Variants in CHL1 observed in about 807,000 individuals in gnomAD.
The protein encoded by CHL1 is cell adhesion molecule L1 like, also known as neural cell adhesion molecule L1-like protein.
Under a neutral mutation model 141.9 loss-of-function variants are expected in CHL1, and 96 were observed. The ratio of observed to expected loss-of-function variants is 0.68; its 90% CI spans 0.57 to 0.80. The LOEUF is 0.80. Ranked by LOEUF, CHL1 falls within the 30% of genes least tolerant of loss-of-function variation. The probability of loss-of-function intolerance (pLI) is 0.00; values close to 1 mark genes in which losing one functional copy is unlikely to be tolerated. For missense variants in CHL1, 1,820 were observed against 1,457.2 expected (o/e 1.25, Z -4.05); for synonymous variants, 613 against 502.2 (o/e 1.22, Z -2.95).
intron 24 of CHL1, among the ~76,000 whole-genome samples, chr3:397,580 C>G (rs1708782368): frequency 6.6e-6 from 1 of 151,938 alleles, no homozygotes; most frequent in Non-Finnish European, 1.5e-5. Flanking sequence ...TATTTTTGTT[C>G]AACTTGATTC....
chr3:400,161 A>T (rs1434207395), intron 26 of CHL1, among the ~76,000 whole-genome samples: 2 of 152,238 alleles, frequency 1.3e-5, no homozygotes, highest in Non-Finnish European at 2.9e-5. Flanking sequence ...ATGTTCAGAT[A>T]TATGAGAAGT....
intron 1 of CHL1, among the ~76,000 whole-genome samples, chr3:238,106 C>A (rs1234021942): frequency 6.6e-6 from 1 of 152,062 alleles, no homozygotes. Context: ...TAGCTTATAA[C>A]CTAGGGAATA....
At chr3:219,707 T>C (rs1399958787) in intron 1 of CHL1, among the ~76,000 whole-genome samples, 12 of 151,542 alleles carry the variant, frequency 7.9e-5, no homozygotes, top group African/African-American at 2.9e-4. Context: ...AGGTGGAGGG[T>C]GGGAGGAGGG....
chr3:217,530 G>A (rs149035785), intron 1 of CHL1: 46 of 152,344 alleles, frequency 3.0e-4, no homozygotes, highest in African/African-American at 1.1e-3. Flanking sequence ...CTTTCACGCT[G>A]AGCCAGAAAG....
At chr3:343,226 ACTG>A (rs1444322486) in intron 8 of CHL1, among the ~76,000 whole-genome samples, 195 bp downstream of exon 8, 1 of 152,152 alleles carries the variant, frequency 6.6e-6, no homozygotes, top group Admixed American at 6.5e-5. Flanking sequence ...TAAATATATA[ACTG>A]TATAAATATA....
At chr3:337,866 A>G (rs1456111725) in intron 5 of CHL1, among the ~76,000 whole-genome samples, 4 of 152,202 alleles carry the variant, frequency 2.6e-5, no homozygotes, top group East Asian at 1.9e-4. Context: ...AGCATGATTT[A>G]TAATCCTTTG....
intron 27 of CHL1, 22 bp from the exon 28 acceptor site, chr3:405,473 T>G: frequency 6.7e-7 from 1 of 1,503,556 alleles, no homozygotes; most frequent in Admixed American, 1.7e-5. Flanking sequence ...TGTTGAGCTA[T>G]TTTTGTTTGT....
chr3:213,403 T>C (rs987692105), intron 1 of CHL1: 1 of 152,298 alleles, frequency 6.6e-6, no homozygotes, highest in Admixed American at 6.5e-5. Context: ...AATGAAAATT[T>C]ATGAAGTTCC....
chr3:384,353 A>G (rs7632614), intron 19 of CHL1: 146,439 of 152,450 alleles, frequency 0.96, 70,577 homozygotes, highest in East Asian at 1. Context: ...TGAAGAAAGC[A>G]TCATGAACGC....
intron 5 of CHL1, among the ~76,000 whole-genome samples, chr3:338,467 A>G (rs1702111555): frequency 6.6e-6 from 1 of 152,214 alleles, no homozygotes; most frequent in Non-Finnish European, 1.5e-5. Flanking sequence ...GAATTGAGGT[A>G]GACTTCATGT....
At chr3:326,333 C>G (rs1701013661) in intron 4 of CHL1, among the ~76,000 whole-genome samples, 1 of 152,022 alleles carries the variant, frequency 6.6e-6, no homozygotes, top group East Asian at 1.9e-4. Flanking sequence ...ACTCCACAAT[C>G]CCTTAGTCTA....
At chr3:312,123 C>T (rs1699799181) in intron 2 of CHL1, among the ~76,000 whole-genome samples, 1 of 152,132 alleles carries the variant, frequency 6.6e-6, no homozygotes, top group Admixed American at 6.6e-5. Context: ...AGTTCAACCA[C>T]AGTAATTTGC....
intron 3 of CHL1, 111 bp from the exon 4 acceptor site, chr3:325,848 A>G (rs1700964404): frequency 4.9e-6 from 3 of 607,074 alleles, no homozygotes; most frequent in Non-Finnish European, 8.5e-6. Context: ...TCACTTTTGT[A>G]TCATCCTTTC....
At chr3:305,561 A>G (rs938640408) in intron 2 of CHL1, among the ~76,000 whole-genome samples, 3 of 151,962 alleles carry the variant, frequency 2.0e-5, no homozygotes, top group Admixed American at 6.6e-5. Flanking sequence ...TGATTTTTCT[A>G]GGAAAAACCC....
intron 18 of CHL1, 154 bp downstream of exon 18, chr3:382,825 C>A: frequency 1.5e-6 from 1 of 673,274 alleles, no homozygotes; most frequent in South Asian, 2.0e-5. Flanking sequence ...ATATTCAAAG[C>A]ACACAAGTTT....
At chr3:363,184 C>A in intron 13 of CHL1, 33 bp from the exon 14 acceptor site, 2 of 1,587,842 alleles carry the variant, frequency 1.3e-6, no homozygotes, top group Non-Finnish European at 8.6e-7. Context: ...TTTTGCCCTA[C>A]CTCAGATGGA....
At chr3:375,778 A>G (rs1706237117) in intron 15 of CHL1, among the ~76,000 whole-genome samples, 1 of 152,148 alleles carries the variant, frequency 6.6e-6, no homozygotes, top group African/African-American at 2.4e-5. Context: ...CATTTTTCAG[A>G]TAAGATGAAT....
chr3:251,588 T>C (rs548200422), intron 2 of CHL1, among the ~76,000 whole-genome samples: 3 of 152,164 alleles, frequency 2.0e-5, no homozygotes, highest in African/African-American at 7.2e-5. Flanking sequence ...TTGGATTAAA[T>C]GGTTTCAAGA....
chr3:385,489 A>T (rs929900341), intron 19 of CHL1, among the ~76,000 whole-genome samples: 1 of 152,172 alleles, frequency 6.6e-6, no homozygotes, highest in Admixed American at 6.5e-5. Context: ...AAGATACACA[A>T]GATTGATTAT....
Sources: allele counts gnomAD v4.1 joint callset (sites outside exome capture counted in the v4.1 genomes callset), GRCh38; gene constraint gnomAD v4.1.1; transcripts MANE v1.5; gene names NCBI Gene and HGNC (gene_info 2026-07-23, HGNC 2026-07-21).